Variants in CLEC16A observed in about 807,000 individuals in gnomAD.
CLEC16A encodes the protein C-type lectin domain containing 16A.
In CLEC16A, 51 loss-of-function variants were observed where a neutral mutation model predicts 109.5. The ratio of observed to expected loss-of-function variants is 0.47; its 90% confidence interval spans 0.37 to 0.59. CLEC16A has a LOEUF of 0.59. CLEC16A is among the 20% of genes least tolerant of loss of function. The pLI is 0.00. For missense variants in CLEC16A, 1,339 were observed against 1,394.0 expected (o/e 0.96, Z 0.63); for synonymous variants, 673 against 564.2 (o/e 1.19, Z -2.73).
chr16:11,055,575 CTTTTTTTTTT>C lies in CLEC16A; in HGVS notation c.1995+3956_1995+3965del, dbSNP rs71136609. 4.9e-3 allele frequency among the ~76,000 whole-genome samples: 204 copies of C among 41,756 alleles called. 1 individual carries two copies. Among genetic ancestry groups the C allele is most frequent in the African/African-American group, 0.02 (189 of 9,264 alleles). 27.4% of individuals were successfully genotyped at this position (41,756 alleles called of 152,430 possible). A position where few individuals can be genotyped will look rare whatever the true frequency, so the allele number is the denominator to read the frequency against. On this transcript the variant is annotated intron_variant, in intron 18 of 23. Coordinates refer to ENST00000409790, the MANE Select transcript of CLEC16A (RefSeq NM_015226.3). Reference sequence around the variant, plus strand: ...CACGATAACGCCGTTTTCCCTCTTGCTTTTTTTTTTTTTTTTTTTTTTTTTTTTTTTGAGA... The same window carrying C: ...CACGATAACGCCGTTTTCCCTCTTGCTTTTTTTTTTTTTTTTTTTTTGAGA...
chr16:11,030,018 C>T (rs1270894719), intron 13 of CLEC16A, among the ~76,000 whole-genome samples: 1 of 152,186 alleles, frequency 6.6e-6, no homozygotes, highest in African/African-American at 2.4e-5. Flanking sequence ...TTTCAATCCA[C>T]TTAATTATTT....
chr16:10,971,008 A>ATTTTTTTTT (rs35498388), intron 4 of CLEC16A, 117 bp from the exon 5 acceptor site: 8 of 506,952 alleles, frequency 1.6e-5, no homozygotes, highest in Non-Finnish European at 2.4e-5. Flanking sequence ...CATTGGCAAC[A>ATTTTTTTTT]TTTTTTTTTT....
At chr16:11,172,054 AC>A (rs1474886533) in intron 23 of CLEC16A, among the ~76,000 whole-genome samples, 8 of 152,036 alleles carry the variant, frequency 5.3e-5, no homozygotes, top group African/African-American at 1.9e-4. Context: ...CCACACACAT[AC>A]ATGCACACAG....
intron 9 of CLEC16A, among the ~76,000 whole-genome samples, chr16:10,981,891 C>T (rs1054488807): frequency 6.6e-6 from 1 of 152,110 alleles, no homozygotes; most frequent in Non-Finnish European, 1.5e-5. Flanking sequence ...TTGTCATGAC[C>T]GAGGCTGGGG....
intron 23 of CLEC16A, among the ~76,000 whole-genome samples, chr16:11,175,255 C>T (rs1567422285): frequency 6.6e-6 from 1 of 152,220 alleles, no homozygotes; most frequent in Non-Finnish European, 1.5e-5. Flanking sequence ...CCTTGGTGTC[C>T]TCACTGGCCA....
rs899122976 is a variant in CLEC16A at position 11,180,181 on chromosome 16, T to G, written c.*1491T>G. ...ACCTGCATTTTAGAAGAACATGGTC[T>G]CTGTCTCCTCGGCCCAGCCAGCTGT... On this transcript the variant is annotated 3_prime_UTR_variant, in exon 24 of 24. Transcript: ENST00000409790. 1 of 152,354 alleles carries G rather than the reference T, an allele frequency of 6.6e-6. No individual in the cohort carries two copies. Among genetic ancestry groups the G allele is most frequent in the African/African-American group, 2.4e-5 (1 of 41,464 alleles). The allele number at this position is 152,354 out of a possible 1,614,324, so 9.4% of individuals were successfully genotyped here. A position where few individuals can be genotyped will look rare whatever the true frequency, so the allele number is the denominator to read the frequency against.
chr16:11,027,247 A>G, intron 13 of CLEC16A: 1 of 1,542,074 alleles, frequency 6.5e-7, no homozygotes, highest in Non-Finnish European at 8.9e-7. Context: ...CTAGAAGTGA[A>G]ACCTCATGCC....
Position 10,957,792 on chromosome 16 carries a change from C to T in CLEC16A, c.91C>T (p.His31Tyr). ...HSLDHLKYLY[H>Y]VLTKNTTVTE... ...TCTCATTTCTCTCAGGTATCTGTACCACGTTTTGACCAAAAACACCACAGT... is the reference window on the plus strand; with the variant it reads ...TCTCATTTCTCTCAGGTATCTGTACTACGTTTTGACCAAAAACACCACAGT... The change falls in exon 2 of 24, where the codon CAC becomes TAC. Residue 31 changes from histidine (H) to tyrosine (Y), a missense_variant. His to Tyr is a moderately conservative substitution (Grantham distance 83). Around this residue, in one of 3 missense-constraint regions of CLEC16A, gnomAD observed 117 missense variants for 120.2 expected, o/e 0.97. Transcript: ENST00000409790. 6.2e-7 allele frequency: 1 copy of T among 1,613,822 alleles called. No individual in the cohort carries two copies.
At chr16:11,036,544 C>CTTTTTTTTTTTTTTTTTTTTTTTTTTTTT (rs71404440) in intron 13 of CLEC16A, among the ~76,000 whole-genome samples, 4 of 131,898 alleles carry the variant, frequency 3.0e-5, no homozygotes, top group African/African-American at 1.2e-4. Context: ...TCTAATTTTC[C>CTTTTTTTTTTTTTTTTTTTTTTTTTTTTT]TTTTTTTTTT....
intron 19 of CLEC16A, among the ~76,000 whole-genome samples, chr16:11,118,574 C>T (rs1464861169): frequency 1.3e-5 from 2 of 152,148 alleles, no homozygotes; most frequent in African/African-American, 2.4e-5. Flanking sequence ...TCAGTTTAAC[C>T]ATCACAACTG....
At chr16:11,150,214 C>CA (rs1399156911) in intron 22 of CLEC16A, 2 of 152,130 alleles carry the variant, frequency 1.3e-5, no homozygotes, top group African/African-American at 4.8e-5. Context: ...TTCTAAATTC[C>CA]AAGACATATC....
chr16:11,082,940 G>C (rs1018616660), intron 19 of CLEC16A, among the ~76,000 whole-genome samples: 1 of 152,102 alleles, frequency 6.6e-6, no homozygotes, highest in African/African-American at 2.4e-5. Flanking sequence ...CTAAGTTTAA[G>C]GTTGCAGCTC....
intron 22 of CLEC16A, chr16:11,156,990 C>A: frequency 9.0e-7 from 1 of 1,115,894 alleles, no homozygotes; most frequent in Non-Finnish European, 1.2e-6. Context: ...GGCAGACCTT[C>A]ACCCGACAGC....
At chr16:11,164,940 T>C (rs1272184728) in intron 22 of CLEC16A, among the ~76,000 whole-genome samples, 1 of 152,148 alleles carries the variant, frequency 6.6e-6, no homozygotes, top group Non-Finnish European at 1.5e-5. Context: ...CAGGGCTGGC[T>C]GTGGTGAATG....
chr16:10,951,102 G>A (rs1428877733), intron 1 of CLEC16A, among the ~76,000 whole-genome samples: 1 of 152,204 alleles, frequency 6.6e-6, no homozygotes, highest in African/African-American at 2.4e-5. Context: ...GAAAGCAGAG[G>A]CTATTGAGGC....
At chr16:11,013,576 C>G (rs1188869280) in intron 11 of CLEC16A, among the ~76,000 whole-genome samples, 1 of 152,016 alleles carries the variant, frequency 6.6e-6, no homozygotes, top group African/African-American at 2.4e-5. Flanking sequence ...ACCAACCTGA[C>G]CAACATGGTG....
At chr16:11,120,459 G>T (rs1398824002) in intron 19 of CLEC16A, among the ~76,000 whole-genome samples, 156 bp from the exon 20 acceptor site, 2 of 152,220 alleles carry the variant, frequency 1.3e-5, no homozygotes, top group Non-Finnish European at 2.9e-5. Flanking sequence ...CGGCATAACT[G>T]TCAGAGAAGG....
At chr16:11,080,307 A>G (rs1358741942) in intron 19 of CLEC16A, among the ~76,000 whole-genome samples, 2 of 152,192 alleles carry the variant, frequency 1.3e-5, no homozygotes, top group African/African-American at 4.8e-5. Flanking sequence ...AGGATCAAGA[A>G]GAATACAGAG....
At chr16:11,023,834 T>C (rs1194351605) in intron 12 of CLEC16A, among the ~76,000 whole-genome samples, 1 of 152,216 alleles carries the variant, frequency 6.6e-6, no homozygotes, top group Non-Finnish European at 1.5e-5. Context: ...TCTCTTGGCC[T>C]CAGCCTGGCA....
Sources: gnomAD v4.1 joint callset for allele counts (sites outside exome capture counted in the v4.1 genomes callset) on GRCh38, gnomAD v4.1.1 for gene constraint, gnomAD v4.1.1 regional missense constraint, MANE v1.5 for transcripts, NCBI Gene and HGNC (gene_info 2026-07-23, HGNC 2026-07-21) for gene names.